PIWIL1: variants seen among roughly 807,000 people sequenced by gnomAD.
The protein encoded by PIWIL1 is piwi-like protein 1.
In PIWIL1, 73 loss-of-function variants were observed where a neutral mutation model predicts 114.4. The ratio of observed to expected loss-of-function variants is 0.64; its 90% CI spans 0.53 to 0.78. The LOEUF (loss-of-function observed/expected upper bound fraction) is 0.78, where lower values mean the gene tolerates loss of function less well. Ranked by LOEUF, PIWIL1 falls within the 30% of genes least tolerant of loss-of-function variation. PIWIL1 has a pLI of 0.00. For missense variants in PIWIL1, 723 were observed against 1,063.1 expected, an observed-to-expected ratio of 0.68 and a Z score of 4.45; for synonymous variants, 375 against 369.0, an observed-to-expected ratio of 1.02 and a Z score of -0.19.
the PIWIL1 span, among the ~76,000 whole-genome samples, chr12:130,395,252 T>A: frequency 6.6e-6 from 1 of 152,222 alleles, no homozygotes; most frequent in Non-Finnish European, 1.5e-5. Context: ...ACTTGTTTGG[T>A]ACAATTTTCG....
chr12:130,375,065 C>G (rs1350404205), downstream of PIWIL1, among the ~76,000 whole-genome samples: 1 of 152,128 alleles, frequency 6.6e-6, no homozygotes, highest in Non-Finnish European at 1.5e-5. Flanking sequence ...GGCTTTGAAT[C>G]TACTTTGATC....
chr12:130,394,965 A>G, the PIWIL1 span, among the ~76,000 whole-genome samples: 1 of 152,186 alleles, frequency 6.6e-6, no homozygotes, highest in African/African-American at 2.4e-5. Flanking sequence ...GGTCAGGATG[A>G]GAATGGGAGG....
chr12:130,380,889 A>T, the PIWIL1 span, among the ~76,000 whole-genome samples: 1 of 152,198 alleles, frequency 6.6e-6, no homozygotes, highest in Non-Finnish European at 1.5e-5. Context: ...AAGCCAAACA[A>T]AGTAGGCCCT....
the PIWIL1 span, chr12:130,424,426 G>A: frequency 8.1e-7 from 1 of 1,232,730 alleles, no homozygotes; most frequent in East Asian, 3.2e-5. This position sits in a 1 kb window ranked among gnomAD's most constrained non-coding sequence, Gnocchi z 9.8. Flanking sequence ...CTCCTGCAGG[G>A]ACAGTGACCA....
the PIWIL1 span, among the ~76,000 whole-genome samples, chr12:130,423,466 A>G: frequency 6.6e-6 from 1 of 152,204 alleles, no homozygotes; most frequent in Non-Finnish European, 1.5e-5. Context: ...GCATGACAGG[A>G]GCAAATGTTC....
intron 20 of PIWIL1, 73 bp downstream of exon 20, chr12:130,371,396 A>G (rs2073813366): frequency 6.2e-7 from 1 of 1,611,156 alleles, no homozygotes; most frequent in Non-Finnish European, 8.5e-7. Flanking sequence ...GCTGTGGTTT[A>G]AAAGGCTTTT....
At chr12:130,370,331 A>G (rs1055003935) in intron 19 of PIWIL1, among the ~76,000 whole-genome samples, 1 of 152,098 alleles carries the variant, frequency 6.6e-6, no homozygotes, top group African/African-American at 2.4e-5. Flanking sequence ...CATAGATTCA[A>G]CCAACCTCGG....
At chr12:130,352,622 G>A (rs188923579) in intron 9 of PIWIL1, among the ~76,000 whole-genome samples, 20 of 152,332 alleles carry the variant, frequency 1.3e-4, no homozygotes, top group African/African-American at 4.8e-4. Flanking sequence ...GGAGGTTGCA[G>A]TGAGCCGAGA....
chr12:130,345,792 C>T lies in PIWIL1; in HGVS notation c.230C>T (p.Ala77Val). Reference protein sequence around the residue: ...ISAGFQELSLAERGGRRRDFH... With the variant: ...ISAGFQELSLVERGGRRRDFH... ...GCTGGATTTCAGGAGTTATCGTTAGCAGAGAGAGGAGGTCGTCGTAGAGAT... is the reference window on the plus strand; with the variant it reads ...GCTGGATTTCAGGAGTTATCGTTAGTAGAGAGAGGAGGTCGTCGTAGAGAT... Residue 77 changes from alanine (A) to valine (V), a missense_variant, in exon 4 of 21, where the codon GCA becomes GTA. This residue lies in a region of PIWIL1 where 190 missense variants were observed against 294.4 expected (regional missense o/e 0.65). Coordinates refer to ENST00000245255, the MANE Select transcript of PIWIL1 (RefSeq NM_004764.5). The T allele has an allele frequency of 6.2e-7, 1 of 1,613,848 alleles. No individual in the cohort carries two copies. Among genetic ancestry groups the T allele is most frequent in the Non-Finnish European group, 8.5e-7 (1 of 1,179,866 alleles).
chr12:130,375,653 A>G (rs1433357053), downstream of PIWIL1, among the ~76,000 whole-genome samples: 2 of 151,352 alleles, frequency 1.3e-5, no homozygotes, highest in Non-Finnish European at 2.9e-5. Flanking sequence ...TTCTTTTCCT[A>G]TTCATTCCCA....
chr12:130,423,376 G>A, the PIWIL1 span, among the ~76,000 whole-genome samples: 3 of 152,204 alleles, frequency 2.0e-5, no homozygotes, highest in Non-Finnish European at 4.4e-5. Flanking sequence ...TCCTGGGTGG[G>A]CCCATCGCAA....
In PIWIL1 at chr12:130,361,704, C is replaced by A; in HGVS notation, c.1970+103C>A. 2.4e-6 allele frequency: 2 copies of A among 847,236 alleles called. 1 individual carries two copies. The highest frequency in any genetic ancestry group is 3.1e-5 in the South Asian group (2 of 63,876). 52.5% of individuals were successfully genotyped at this position (847,236 alleles called of 1,614,324 possible). On this transcript the variant is annotated intron_variant, in intron 16 of 20. Coordinates refer to ENST00000245255, the MANE Select transcript of PIWIL1 (RefSeq NM_004764.5). ...CTTCGTTGTTATCCTTCCAGTTTCT[C>A]AATCATATACAGCAACGAATTTAGG...
chr12:130,377,785 G>A, the PIWIL1 span, among the ~76,000 whole-genome samples: 8 of 152,318 alleles, frequency 5.3e-5, no homozygotes, highest in South Asian at 1.0e-3. Context: ...TAGCACAAGC[G>A]GGCACTTTGC....
Position 130,355,674 on chromosome 12 carries a change from C to G in PIWIL1, c.1404+7C>G. On this transcript the variant is annotated splice_region_variant and intron_variant, in intron 12 of 20. Coordinates refer to ENST00000245255, the MANE Select transcript of PIWIL1 (RefSeq NM_004764.5). The stretch of plus-strand genomic sequence containing the variant: ...TCACCAAGGTGGAAAAACAGTAAGG[C>G]AGTTTTTCGTTGGTGTTGTTGTTGT... The G allele has an allele frequency of 6.3e-7, 1 of 1,583,380 alleles. No homozygotes were observed. Among genetic ancestry groups the G allele is most frequent in the Non-Finnish European group, 8.7e-7 (1 of 1,151,980 alleles).
At chr12:130,351,127 T>G (rs1255480261) in intron 9 of PIWIL1, 1 of 152,164 alleles carries the variant, frequency 6.6e-6, no homozygotes, top group Non-Finnish European at 1.5e-5. Flanking sequence ...CATTTTTCTG[T>G]CGTTAATTTT....
the PIWIL1 span, chr12:130,399,178 G>A: frequency 1.5e-6 from 2 of 1,349,924 alleles, no homozygotes; most frequent in Non-Finnish European, 1.9e-6. Context: ...CCAAGCAGAT[G>A]AGCAAAGAAA....
the PIWIL1 span, among the ~76,000 whole-genome samples, chr12:130,420,662 C>G: frequency 6.6e-6 from 1 of 152,024 alleles, no homozygotes; most frequent in African/African-American, 2.4e-5. This position sits in a 1 kb window ranked among gnomAD's most constrained non-coding sequence, Gnocchi z 4.3. Context: ...AAATAGCAAA[C>G]CAAAGCGGAG....
At chr12:130,373,363 C>T (rs2073843064), downstream of PIWIL1, among the ~76,000 whole-genome samples, 2 of 152,150 alleles carry the variant, frequency 1.3e-5, no homozygotes, top group African/African-American at 4.8e-5. Flanking sequence ...CTCAGCTCTG[C>T]CTCAAAGTGA....
In PIWIL1 at chr12:130,363,157, A is replaced by C. The variant is rs1593116055; in HGVS notation, c.2195+13A>C. ...GTAGAGGTTACAAGTAAGCATGCAA[A>C]TTGTAAAGCATTTTCTTTTTATAAA... On this transcript the variant is annotated intron_variant, in intron 18 of 20. Coordinates refer to ENST00000245255, the MANE Select transcript of PIWIL1 (RefSeq NM_004764.5). The C allele has an allele frequency of 4.3e-6, 7 of 1,609,426 alleles. No individual in the cohort carries two copies. The highest frequency in any genetic ancestry group is 1.7e-4 in the Middle Eastern group (1 of 6,042).
Sources: allele counts gnomAD v4.1 joint callset (sites outside exome capture counted in the v4.1 genomes callset), GRCh38; gene constraint gnomAD v4.1.1; regional missense constraint gnomAD v4.1.1; non-coding constraint Gnocchi (gnomAD v3.1); transcripts MANE v1.5; gene names NCBI Gene and HGNC (gene_info 2026-07-23, HGNC 2026-07-21).